PIP5K1A: variants seen among roughly 807,000 people sequenced by gnomAD.
PIP5K1A encodes phosphatidylinositol 4-phosphate 5-kinase type-1 alpha.
In PIP5K1A, 46 loss-of-function variants were observed where a neutral mutation model predicts 72.9. The observed-to-expected ratio is 0.63, with a 90% CI of 0.50 to 0.81. The LOEUF is 0.81. Ranked by LOEUF, PIP5K1A falls within the 30% of genes least tolerant of loss-of-function variation. The pLI is 0.00. For missense variants in PIP5K1A, 458 were observed against 706.1 expected, an observed-to-expected ratio of 0.65 and a Z score of 3.98; for synonymous variants, 228 against 255.1, an observed-to-expected ratio of 0.89 and a Z score of 1.01.
intron 5 of PIP5K1A, 150 bp downstream of exon 5, chr1:151,231,951 C>G (rs759482732): frequency 5.3e-6 from 4 of 759,050 alleles, no homozygotes; most frequent in Admixed American, 2.2e-5. Context: ...CTAGAGAGTT[C>G]GGAGAGCAGA....
chr1:151,231,622 T>G, intron 4 of PIP5K1A, 49 bp from the exon 5 acceptor site: 1 of 1,553,256 alleles, frequency 6.4e-7, no homozygotes, highest in Non-Finnish European at 8.9e-7. Context: ...TTTATTGTTA[T>G]GATCCTACTT....
chr1:151,200,570 C>A (rs1685080650), intron 1 of PIP5K1A, among the ~76,000 whole-genome samples: 1 of 152,004 alleles, frequency 6.6e-6, no homozygotes, highest in Non-Finnish European at 1.5e-5. Flanking sequence ...CCTGGTGTTG[C>A]GTTTTTGCTG....
chr1:151,225,738 G>A (rs1689025691), intron 3 of PIP5K1A, among the ~76,000 whole-genome samples: 1 of 151,910 alleles, frequency 6.6e-6, no homozygotes, highest in African/African-American at 2.4e-5. Context: ...CCAATGTGCT[G>A]GGATTACAGG....
chr1:151,247,028 C>A, intron 15 of PIP5K1A, 63 bp downstream of exon 15: 1 of 1,098,354 alleles, frequency 9.1e-7, no homozygotes, highest in Non-Finnish European at 1.3e-6. Flanking sequence ...TCACTGATGG[C>A]CTGGAGCAGG....
intron 1 of PIP5K1A, among the ~76,000 whole-genome samples, chr1:151,218,982 T>C (rs587600361): frequency 4.6e-5 from 7 of 152,308 alleles, no homozygotes; most frequent in African/African-American, 1.2e-4. Flanking sequence ...TGTGTTCTTA[T>C]AATAAAAGGG....
At chr1:151,236,790 G>A (rs202184102) in intron 9 of PIP5K1A, 27 bp downstream of exon 9, 2 of 1,429,658 alleles carry the variant, frequency 1.4e-6, no homozygotes, top group South Asian at 1.2e-5. Flanking sequence ...CCACTAGGGG[G>A]GAGAACATAG....
chr1:151,199,845 C>G (rs1044848581), intron 1 of PIP5K1A, among the ~76,000 whole-genome samples: 1 of 151,990 alleles, frequency 6.6e-6, no homozygotes, highest in Non-Finnish European at 1.5e-5. Flanking sequence ...GGTAGGGAAT[C>G]GTGAATTTTG....
At chr1:151,235,285 G>A (rs902106811) in intron 8 of PIP5K1A, among the ~76,000 whole-genome samples, 4 of 151,568 alleles carry the variant, frequency 2.6e-5, no homozygotes, top group African/African-American at 9.7e-5. Flanking sequence ...GTTTCACCAC[G>A]TTGGTCCCGC....
At chr1:151,206,182 T>G (rs1685900688) in intron 1 of PIP5K1A, among the ~76,000 whole-genome samples, 1 of 152,232 alleles carries the variant, frequency 6.6e-6, no homozygotes. Flanking sequence ...CTTTTTAAAC[T>G]GTCTCCATTT....
intron 12 of PIP5K1A, 80 bp from the exon 13 acceptor site, chr1:151,242,043 A>G: frequency 7.0e-7 from 1 of 1,434,292 alleles, no homozygotes; most frequent in Non-Finnish European, 9.8e-7. Flanking sequence ...TGTTGGGGAT[A>G]CTAGCAATTA....
In PIP5K1A at chr1:151,224,377, G is replaced by T; in HGVS notation, c.127G>T (p.Glu43Ter). 1.2e-6 allele frequency: 2 copies of T among 1,607,926 alleles called. No individual in the cohort carries two copies. The highest frequency in any genetic ancestry group is 1.7e-6 in the Non-Finnish European group (2 of 1,174,636). ...IKRPMASEVLEARQDSYISLV... is the reference protein window; with the variant it reads ...IKRPMASEVL ...TTATTTTTTCTCTACTTAGGTCTTGGAAGCTAGACAGGATTCTTACATCTC... is the reference window on the plus strand; with the variant it reads ...TTATTTTTTCTCTACTTAGGTCTTGTAAGCTAGACAGGATTCTTACATCTC... Residue 43 changes from glutamate to a stop codon, truncating the protein, a stop_gained, in exon 3 of 16, where the codon GAA becomes TAA. Transcript: ENST00000368888. LOFTEE classifies it high-confidence loss of function.
intron 7 of PIP5K1A, among the ~76,000 whole-genome samples, 199 bp downstream of exon 7, chr1:151,232,902 C>T (rs1690302210): frequency 6.6e-6 from 1 of 152,024 alleles, no homozygotes; most frequent in South Asian, 2.1e-4. Flanking sequence ...AGATCAAGAC[C>T]ATCCTGGCCA....
intron 7 of PIP5K1A, 117 bp from the exon 8 acceptor site, chr1:151,234,080 T>G: frequency 2.8e-6 from 2 of 719,920 alleles, no homozygotes; most frequent in Non-Finnish European, 4.9e-6. Context: ...TATGGACACA[T>G]TGTGTCTAAA....
chr1:151,223,348 C>CAAAAA (rs1234599998), intron 1 of PIP5K1A, among the ~76,000 whole-genome samples: 4 of 63,430 alleles, frequency 6.3e-5, no homozygotes, highest in Admixed American at 1.8e-4. Flanking sequence ...AACTCCGTCT[C>CAAAAA]AAAAAAAAAA....
intron 4 of PIP5K1A, 35 bp from the exon 5 acceptor site, chr1:151,231,636 C>T (rs1690093015): frequency 1.3e-6 from 2 of 1,596,142 alleles, no homozygotes; most frequent in East Asian, 4.5e-5. Flanking sequence ...CCTACTTATA[C>T]TAGGAATTTT....
intron 1 of PIP5K1A, chr1:151,213,635 T>G (rs1687173044): frequency 6.6e-6 from 1 of 152,198 alleles, no homozygotes; most frequent in East Asian, 1.9e-4. Context: ...TATTTTTAGC[T>G]TAGGATCATC....
chr1:151,247,074 C>T (rs1692608596), intron 15 of PIP5K1A, 109 bp downstream of exon 15: 6 of 526,416 alleles, frequency 1.1e-5, no homozygotes, highest in Non-Finnish European at 3.4e-6. Context: ...CTGGGTACCT[C>T]CTAAATCTTG....
rs1220573520 is a variant in PIP5K1A at position 151,248,015 on chromosome 1, T to C, written c.*150T>C. 12 of 712,698 alleles carry C rather than the reference T, an allele frequency of 1.7e-5. No individual in the cohort carries two copies. In the Admixed American group the frequency reaches 2.6e-4, roughly 16 times the overall value. The allele number at this position is 712,698 out of a possible 1,614,324, so 44.1% of individuals were successfully genotyped here. ...TGAGGGGAGCTGCTCCTCCATCTTC[T>C]TCCTGAAGAAGAACCTTCTCTCCTT... is the stretch of plus-strand genomic sequence containing the variant. On this transcript the variant is annotated 3_prime_UTR_variant, in exon 16 of 16. Transcript: ENST00000368888.
intron 1 of PIP5K1A, among the ~76,000 whole-genome samples, chr1:151,204,464 G>A (rs1219355946): frequency 1.3e-5 from 2 of 152,026 alleles, no homozygotes; most frequent in African/African-American, 4.8e-5. Flanking sequence ...GGCGTGAGCC[G>A]CCACGCCCGG....
Sources: allele counts gnomAD v4.1 joint callset (sites outside exome capture counted in the v4.1 genomes callset), GRCh38; gene constraint gnomAD v4.1.1; transcripts MANE v1.5; gene names NCBI Gene and HGNC (gene_info 2026-07-23, HGNC 2026-07-21).